Variants in TRIO observed in about 807,000 individuals in gnomAD.
The protein encoded by TRIO is trio Rho guanine nucleotide exchange factor, also known as triple functional domain protein.
A neutral mutation model predicts 351.9 loss-of-function variants in TRIO; 58 were observed. The ratio of observed to expected loss-of-function variants is 0.16; its 90% CI spans 0.13 to 0.21. The LOEUF is 0.21. TRIO is among the 10% of genes least tolerant of loss of function. The pLI is 1.00. For missense variants in TRIO, 3,201 were observed against 4,027.8 expected, an observed-to-expected ratio of 0.79 and a Z score of 5.56; for synonymous variants, 1,758 against 1,595.7, an observed-to-expected ratio of 1.10 and a Z score of -2.42.
intron 6 of TRIO, 39 bp from the exon 7 acceptor site, chr5:14,297,033 T>C: frequency 6.4e-7 from 1 of 1,561,416 alleles, no homozygotes; most frequent in Non-Finnish European, 8.7e-7. Context: ...TCCTATTTGC[T>C]CTCCCCTAAG....
At chr5:14,246,394 C>A (rs182203801) in intron 1 of TRIO, among the ~76,000 whole-genome samples, 1 of 152,220 alleles carries the variant, frequency 6.6e-6, no homozygotes, top group African/African-American at 2.4e-5. Context: ...AATAAAGTCA[C>A]ATAACCTCTT....
intron 11 of TRIO, among the ~76,000 whole-genome samples, chr5:14,340,132 C>T (rs1741806710): frequency 6.6e-6 from 1 of 152,088 alleles, no homozygotes; most frequent in South Asian, 2.1e-4. Context: ...TGGTGATTCA[C>T]GCCTGTAATC....
At chr5:14,175,026 A>G (rs1206649565) in intron 1 of TRIO, among the ~76,000 whole-genome samples, 1 of 150,190 alleles carries the variant, frequency 6.7e-6, no homozygotes, top group African/African-American at 2.5e-5. Context: ...TGCACATATT[A>G]CTTTAAAATC....
chr5:14,310,814 C>T (rs1738856557), intron 8 of TRIO, among the ~76,000 whole-genome samples: 1 of 152,140 alleles, frequency 6.6e-6, no homozygotes, highest in African/African-American at 2.4e-5. Flanking sequence ...GCCTCCTGAG[C>T]AGCTGGGATT....
chr5:14,242,969 G>A (rs894248776), intron 1 of TRIO, among the ~76,000 whole-genome samples: 14 of 152,160 alleles, frequency 9.2e-5, no homozygotes, highest in African/African-American at 3.4e-4. Flanking sequence ...ACCTTGCTCG[G>A]GCAGAGGGAA....
chr5:14,317,930 G>A (rs1011258466), intron 9 of TRIO, among the ~76,000 whole-genome samples: 2 of 151,764 alleles, frequency 1.3e-5, no homozygotes, highest in Admixed American at 6.6e-5. Context: ...AATTCGAGAC[G>A]AGCCTGCCCA....
rs35519870 is a variant in TRIO at position 14,191,534 on chromosome 5, TAA to T, written c.157+47671_157+47672del. Among the ~76,000 whole-genome samples, 828 of 135,206 alleles carry T rather than the reference TAA, an allele frequency of 6.1e-3. 1 individual carries two copies. Among genetic ancestry groups the T allele is most frequent in the Middle Eastern group, 0.011 (3 of 262 alleles). The allele number at this position is 135,206 out of a possible 152,430, so 88.7% of individuals were successfully genotyped here. A position where few individuals can be genotyped will look rare whatever the true frequency, so the allele number is the denominator to read the frequency against. On this transcript the variant is annotated intron_variant, in intron 1 of 56. Coordinates refer to ENST00000344204, the MANE Select transcript of TRIO (RefSeq NM_007118.4). ...GTGACAGAGTAAGACCCTGTTTCTT[TAA>T]AAAAAAAAAAAAAAAAAAGTGGTAG... is the stretch of plus-strand genomic sequence containing the variant.
chr5:14,500,361 C>A (rs1006390542), intron 53 of TRIO, among the ~76,000 whole-genome samples: 3 of 152,168 alleles, frequency 2.0e-5, no homozygotes, highest in African/African-American at 7.2e-5. Context: ...TCTCTCCAGC[C>A]CTGGCTGCCT....
At chr5:14,506,541 C>T (rs1579862441) in intron 55 of TRIO, among the ~76,000 whole-genome samples, 1 of 152,360 alleles carries the variant, frequency 6.6e-6, no homozygotes, top group East Asian at 1.9e-4. Flanking sequence ...GCCCACTTCA[C>T]AGAGAGTCAT....
chr5:14,390,906 C>T lies in TRIO; in HGVS notation c.4134C>T (p.Asp1378=). Reference sequence around the variant, plus strand: ...TTTTTTTTTTTGGCTTACAGGCAGACAAGTTTCAGATGTATGTCACATATT... The same window carrying T: ...TTTTTTTTTTTGGCTTACAGGCAGATAAGTTTCAGATGTATGTCACATATT... ...DVGHCFVTWA[D]KFQMYVTYCK... is the part of the protein sequence containing the mutation. The change falls in exon 27 of 57, where the codon GAC becomes GAT. Residue 1378 remains aspartate, a synonymous_variant. Coordinates refer to ENST00000344204, the MANE Select transcript of TRIO (RefSeq NM_007118.4). 1 of 1,595,584 alleles carries T rather than the reference C, an allele frequency of 6.3e-7. No homozygotes were observed. The highest frequency in any genetic ancestry group is 8.5e-7 in the Non-Finnish European group (1 of 1,174,212).
intron 19 of TRIO, among the ~76,000 whole-genome samples, chr5:14,375,071 C>T (rs569325021): frequency 3.0e-4 from 45 of 152,286 alleles, no homozygotes; most frequent in African/African-American, 9.1e-4. Flanking sequence ...TTGGCAAAAA[C>T]TTTGTACATT....
At chr5:14,222,176 A>G (rs1374345783) in intron 1 of TRIO, among the ~76,000 whole-genome samples, 3 of 151,402 alleles carry the variant, frequency 2.0e-5, no homozygotes, top group Non-Finnish European at 4.4e-5. Flanking sequence ...GTATTTTTAA[A>G]TTAAGGTGTG....
intron 1 of TRIO, among the ~76,000 whole-genome samples, chr5:14,191,579 T>C (rs1344340280): frequency 6.6e-6 from 1 of 151,938 alleles, no homozygotes; most frequent in Non-Finnish European, 1.5e-5. Flanking sequence ...ACATCTTCTA[T>C]TCCTGTTTTT....
chr5:14,493,686 T>C (rs986581463), intron 49 of TRIO, among the ~76,000 whole-genome samples: 4 of 152,226 alleles, frequency 2.6e-5, no homozygotes, highest in Non-Finnish European at 4.4e-5. Context: ...AAGAGTCACA[T>C]GTCTCTCACT....
intron 34 of TRIO, among the ~76,000 whole-genome samples, chr5:14,451,655 A>G (rs1376301248): frequency 6.6e-6 from 1 of 152,268 alleles, no homozygotes; most frequent in Non-Finnish European, 1.5e-5. Context: ...CCTCTTTTCA[A>G]ATAGTCTGAT....
At chr5:14,289,111 G>A (rs1736692112) in intron 4 of TRIO, among the ~76,000 whole-genome samples, 1 of 152,092 alleles carries the variant, frequency 6.6e-6, no homozygotes, top group South Asian at 2.1e-4. Flanking sequence ...GGTGTGGCCG[G>A]GCGCGGTGGC....
intron 43 of TRIO, 86 bp downstream of exon 43, chr5:14,480,097 G>A: frequency 1.6e-6 from 2 of 1,249,362 alleles, no homozygotes; most frequent in Non-Finnish European, 2.3e-6. Context: ...GGATTTGGTA[G>A]GACAGGGGAA....
chr5:14,171,180 T>G (rs1170771318), intron 1 of TRIO, among the ~76,000 whole-genome samples: 19 of 152,144 alleles, frequency 1.2e-4, no homozygotes, highest in Admixed American at 1.2e-3. Flanking sequence ...AGTAAATCAT[T>G]TAGTTTGTCA....
chr5:14,263,540 A>C (rs1795479327), intron 1 of TRIO, among the ~76,000 whole-genome samples: 1 of 152,198 alleles, frequency 6.6e-6, no homozygotes, highest in Non-Finnish European at 1.5e-5. Context: ...AGATTGATAC[A>C]ATGATTGAAT....
Sources: gnomAD v4.1 joint callset for allele counts (sites outside exome capture counted in the v4.1 genomes callset) on GRCh38, gnomAD v4.1.1 for gene constraint, MANE v1.5 for transcripts, NCBI Gene and HGNC (gene_info 2026-07-23, HGNC 2026-07-21) for gene names.